DCHS1: variants seen among roughly 807,000 people sequenced by gnomAD.
DCHS1 encodes the protein protocadherin-16.
DCHS1 carries 78 observed loss-of-function variants against 213.9 expected under a neutral mutation model. The observed-to-expected ratio is 0.36, with a 90% CI of 0.30 to 0.44. The LOEUF (loss-of-function observed/expected upper bound fraction) is 0.44. Among genes scored for constraint, DCHS1 ranks in the 20% least tolerant of loss-of-function variants. DCHS1 has a pLI of 1.00. For synonymous variants in DCHS1, 1,828 were observed against 1,873.7 expected (o/e 0.98, Z 0.63); for missense variants, 3,946 against 4,395.9 (o/e 0.90, Z 2.89).
In DCHS1 at chr11:6,640,577, G is replaced by A. The variant is rs1856055212; in HGVS notation, c.1037C>T (p.Ala346Val). Reference protein sequence around the residue: ...DGGAHPELGSAFVTVHVRDAN... With the variant: ...DGGAHPELGSVFVTVHVRDAN... ...ATCTCGCACATGCACAGTCACAAAGGCCGAGCCCAGCTCAGGGTGAGCCCC... is the reference window on the plus strand; with the variant it reads ...ATCTCGCACATGCACAGTCACAAAGACCGAGCCCAGCTCAGGGTGAGCCCC... Residue 346 changes from alanine (A) to valine (V), a missense_variant, in exon 2 of 21, where the codon GCC (alanine) becomes GTC (valine). Physicochemically the swap from Ala to Val is moderately conservative, Grantham distance 64. Coordinates refer to ENST00000299441, the MANE Select transcript of DCHS1 (RefSeq NM_003737.4). The surrounding 1 kb of genome is among the most constrained non-coding windows in gnomAD (Gnocchi z 6.5). 3 of 1,608,432 alleles carry A rather than the reference G, an allele frequency of 1.9e-6. No homozygotes were observed.
chr11:6,631,950 G>A (rs1855914849), intron 6 of DCHS1, 81 bp downstream of exon 6: 26 of 1,461,536 alleles, frequency 1.8e-5, no homozygotes, highest in Non-Finnish European at 2.3e-5. Context: ...GATGGGAGCT[G>A]GGGGTTGGGG....
chr11:6,621,665 TG>T lies in DCHS1; in HGVS notation c.*113del. 1 of 1,234,950 alleles carries T rather than the reference TG, an allele frequency of 8.1e-7. No individual in the cohort carries two copies. The highest frequency in any genetic ancestry group is 1.1e-6 in the Non-Finnish European group (1 of 872,958). The allele number at this position is 1,234,950 out of a possible 1,614,324, so 76.5% of individuals were successfully genotyped here. Reference sequence around the variant, plus strand: ...TTCAGGGTGGAGAGCTGGGGCCTGGTGGTGGCCTCCCCGTAGCCAGTCATAG... The same window carrying T: ...TTCAGGGTGGAGAGCTGGGGCCTGGTGTGGCCTCCCCGTAGCCAGTCATAG... On this transcript the variant is annotated 3_prime_UTR_variant, in exon 21 of 21. Coordinates refer to ENST00000299441, the MANE Select transcript of DCHS1 (RefSeq NM_003737.4).
intron 1 of DCHS1, among the ~76,000 whole-genome samples, chr11:6,655,147 C>T (rs759683074): frequency 1.4e-4 from 22 of 152,120 alleles, no homozygotes; most frequent in Non-Finnish European, 2.8e-4. Context: ...GGCAACACAC[C>T]CTCACAGGGA....
At chr11:6,650,709 GA>G (rs1265298295) in intron 1 of DCHS1, among the ~76,000 whole-genome samples, 1 of 152,188 alleles carries the variant, frequency 6.6e-6, no homozygotes, top group East Asian at 1.9e-4. Context: ...AGAATCTGGT[GA>G]GGCACTGTAA....
At position 6,641,841 on chromosome 11, in the gene DCHS1, C is replaced by G; in HGVS notation, c.-120-108G>C. 1 of 958,184 alleles carries G rather than the reference C, an allele frequency of 1.0e-6. No individual in the cohort carries two copies. The highest frequency in any genetic ancestry group is 1.6e-5 in the African/African-American group (1 of 60,674). 59.4% of individuals were successfully genotyped at this position (958,184 alleles called of 1,614,324 possible). ...CAGATATGCTCAGCCCCCAGCAGGC[C>G]CTTGTGCTGCCTCACACTCATCTTG... is the stretch of plus-strand genomic sequence containing the variant. On this transcript the variant is annotated intron_variant, in intron 1 of 20. Transcript: ENST00000299441. This position sits in a 1 kb window ranked among gnomAD's most constrained non-coding sequence, Gnocchi z 7.1.
Position 6,625,937 on chromosome 11 carries a change from C to T in DCHS1, c.6714G>A (p.Glu2238=), listed in dbSNP as rs1253729646. The T allele has an allele frequency of 5.0e-6, 8 of 1,613,444 alleles. No homozygotes were observed. Among genetic ancestry groups the T allele is most frequent in the Non-Finnish European group, 6.8e-6 (8 of 1,179,730 alleles). The part of the protein sequence containing the change: ...TITTTAILDR[E]IWAETRLVLM... The stretch of plus-strand genomic sequence containing the variant: ...GGCCTCACCGTGTTTCAGCCCAGAT[C>T]TCACGGTCCAGGATGGCTGTGGTAG... The change falls in exon 17 of 21, where the codon GAG becomes GAA. Residue 2238 remains glutamate (E), a synonymous_variant. Coordinates refer to ENST00000299441, the MANE Select transcript of DCHS1 (RefSeq NM_003737.4). The surrounding 1 kb of genome is among the most constrained non-coding windows in gnomAD (Gnocchi z 5.3).
rs1855838121 is a variant in DCHS1 at position 6,627,896 on chromosome 11, T to C, written c.5372-229A>G. On this transcript the variant is annotated intron_variant, in intron 13 of 20. Transcript: ENST00000299441. The surrounding 1 kb of genome is among the most constrained non-coding windows in gnomAD (Gnocchi z 5.4). Reference sequence around the variant, plus strand: ...CCAAGTCCTTTTCATGTGCATAAGATCAAAATTATTTCATAGCACTACTAA... The same window carrying C: ...CCAAGTCCTTTTCATGTGCATAAGACCAAAATTATTTCATAGCACTACTAA... 6.6e-6 allele frequency among the ~76,000 whole-genome samples: 1 copy of C among 152,226 alleles called. No homozygotes were observed. Among genetic ancestry groups the C allele is most frequent in the South Asian group, 2.1e-4 (1 of 4,832 alleles).
chr11:6,634,695 T>C (rs1459973349), intron 2 of DCHS1, among the ~76,000 whole-genome samples: 1 of 152,092 alleles, frequency 6.6e-6, no homozygotes, highest in African/African-American at 2.4e-5. Flanking sequence ...CTTCTTGTAC[T>C]GAGGAACATT....
chr11:6,640,001 T>C lies in DCHS1; in HGVS notation c.1613A>G (p.Tyr538Cys), dbSNP rs747734160. The change falls in exon 2 of 21, where the codon TAT (tyrosine) becomes TGT (cysteine). Residue 538 changes from tyrosine (Y) to cysteine (C), a missense_variant. By Grantham distance (194) the Tyr-to-Cys change is radical (BLOSUM62 -2). Transcript: ENST00000299441. The surrounding 1 kb of genome is among the most constrained non-coding windows in gnomAD (Gnocchi z 6.5). ...CAGCTGTGGCTGAGGTTCCAACTCA[T>C]AGTCCAGTGAGGCAGCCGTAGTGAT... Reference protein sequence around the residue: ...GIITTAASLDYELEPQPQLIV... With the variant: ...GIITTAASLDCELEPQPQLIV... 19 of 1,613,852 alleles carry C rather than the reference T, an allele frequency of 1.2e-5. No individual in the cohort carries two copies. Among genetic ancestry groups the C allele is most frequent in the South Asian group, 6.6e-5 (6 of 91,090 alleles).
chr11:6,647,415 T>C (rs1856178908), intron 1 of DCHS1, among the ~76,000 whole-genome samples: 2 of 152,270 alleles, frequency 1.3e-5, no homozygotes, highest in East Asian at 3.9e-4. Context: ...TGGATATCCC[T>C]GGGACAGCCC....
In DCHS1 at chr11:6,622,673, G is replaced by A. The variant is rs1471768141; in HGVS notation, c.9003C>T (p.His3001=). The change falls in exon 21 of 21, where the codon CAC becomes CAT. Residue 3001 remains histidine, a synonymous_variant. Transcript: ENST00000299441. This position sits in a 1 kb window ranked among gnomAD's most constrained non-coding sequence, Gnocchi z 5.4. ...REPPSPPPSE[H]LYHQTLPSYG... ...AGCTGGGAAGAGTCTGGTGATAGAG[G>A]TGCTCAGAGGGTGGTGGACTAGGTG... The A allele has an allele frequency of 1.3e-6, 2 of 1,594,596 alleles. No individual in the cohort carries two copies. The highest frequency in any genetic ancestry group is 1.7e-6 in the Non-Finnish European group (2 of 1,170,912).
intron 2 of DCHS1, among the ~76,000 whole-genome samples, chr11:6,634,563 A>G (rs1425963033): frequency 6.6e-6 from 1 of 152,222 alleles, no homozygotes; most frequent in African/African-American, 2.4e-5. Flanking sequence ...GTTTAAAGAC[A>G]TCTTATGTTT....
chr11:6,653,225 T>A (rs1265914384), intron 1 of DCHS1, among the ~76,000 whole-genome samples: 2 of 152,194 alleles, frequency 1.3e-5, no homozygotes, highest in Non-Finnish European at 1.5e-5. Flanking sequence ...ACACACACAC[T>A]ATTTTCCTTC....
chr11:6,644,997 G>A (rs188639102), intron 1 of DCHS1, among the ~76,000 whole-genome samples: 135 of 152,352 alleles, frequency 8.9e-4, no homozygotes, highest in African/African-American at 3.2e-3. Context: ...GGGCTTTGGA[G>A]CTTGGACTGG....
In DCHS1 at chr11:6,624,429, A is replaced by C. The variant is rs1014725015; in HGVS notation, c.7286-39T>G. 22 of 1,508,426 alleles carry C rather than the reference A, an allele frequency of 1.5e-5. No homozygotes were observed. The Admixed American group carries it at 4.2e-4, about 29-fold the overall frequency. The allele number at this position is 1,508,426 out of a possible 1,614,324, so 93.4% of individuals were successfully genotyped here. A position where few individuals can be genotyped will look rare whatever the true frequency, so the allele number is the denominator to read the frequency against. ...GGAAGGGAAAGAAATATATTCAGCA[A>C]AGGCTGTGAGTGAACAGAAGAGTGA... On this transcript the variant is annotated intron_variant, in intron 20 of 20. Transcript: ENST00000299441.
In DCHS1 at chr11:6,627,631, G is replaced by A. The variant is rs1307116051; in HGVS notation, c.5408C>T (p.Ala1803Val). Residue 1803 changes from alanine (A) to valine (V), a missense_variant, in exon 14 of 21, where the codon GCT (alanine) becomes GTT (valine). Ala to Val is a moderately conservative substitution (Grantham distance 64). Around this residue, in one of 3 missense-constraint regions of DCHS1, gnomAD observed 3,384 missense variants for 3,780.1 expected, o/e 0.90. Coordinates refer to ENST00000299441, the MANE Select transcript of DCHS1 (RefSeq NM_003737.4). This position sits in a 1 kb window ranked among gnomAD's most constrained non-coding sequence, Gnocchi z 5.4. ...DPSGAFVLDLASGEFGTMRPL... is the reference protein window; with the variant it reads ...DPSGAFVLDLVSGEFGTMRPL... ...CCGCATGGTGCCAAACTCTCCAGAAGCAAGGTCTAGGACAAAGGCTCCTGA... is the reference window on the plus strand; with the variant it reads ...CCGCATGGTGCCAAACTCTCCAGAAACAAGGTCTAGGACAAAGGCTCCTGA... 6.2e-7 allele frequency: 1 copy of A among 1,613,356 alleles called. No individual in the cohort carries two copies. Among genetic ancestry groups the A allele is most frequent in the Non-Finnish European group, 8.5e-7 (1 of 1,179,872 alleles).
At position 6,633,889 on chromosome 11, in the gene DCHS1, C is replaced by G. The variant is rs369087785; in HGVS notation, c.2118G>C (p.Arg706Ser). ...CCTGGTCAGGGTCATGGGCACGCAA[C>G]CTCAGCACAGCTGTGCCTGGTGGAC... ...AQSPPGTAVL[R>S]LRAHDPDQGS... is the part of the protein sequence containing the mutation. Residue 706 changes from arginine (R) to serine (S), a missense_variant, in exon 4 of 21, where the codon AGG becomes AGC. This residue lies in a region of DCHS1 where 3,384 missense variants were observed against 3,780.1 expected (regional missense o/e 0.90). Transcript: ENST00000299441. 11 of 1,613,882 alleles carry G rather than the reference C, an allele frequency of 6.8e-6. No individual in the cohort carries two copies. Among genetic ancestry groups the G allele is most frequent in the African/African-American group, 1.3e-5 (1 of 74,914 alleles).
In DCHS1 at chr11:6,655,797, T is replaced by G. The variant is rs1287423538; in HGVS notation, c.-355A>C. Reference sequence around the variant, plus strand: ...TCCTGCACAGCCGCCCCGCCGAGGATGCGAGCTCCGCTGCCGCGGCCCCGC... The same window carrying G: ...TCCTGCACAGCCGCCCCGCCGAGGAGGCGAGCTCCGCTGCCGCGGCCCCGC... On this transcript the variant is annotated 5_prime_UTR_variant, in exon 1 of 21. Coordinates refer to ENST00000299441, the MANE Select transcript of DCHS1 (RefSeq NM_003737.4). 1.3e-5 allele frequency: 12 copies of G among 941,534 alleles called. No individual in the cohort carries two copies. The African/African-American group carries it at 2.2e-4, about 17-fold the overall frequency. 58.3% of individuals were successfully genotyped at this position (941,534 alleles called of 1,614,324 possible). A position where few individuals can be genotyped will look rare whatever the true frequency, so the allele number is the denominator to read the frequency against.
rs1372660701 is a variant in DCHS1 at position 6,623,450 on chromosome 11, A to T, written c.8226T>A (p.Arg2742=). 4 of 1,581,250 alleles carry T rather than the reference A, an allele frequency of 2.5e-6. No individual in the cohort carries two copies. The highest frequency in any genetic ancestry group is 3.4e-6 in the Non-Finnish European group (4 of 1,163,792). ...CTGGCCCAGCCTCCAACAGGCTGTA[A>T]CGGAGCCTCCCAAAAGCCCCAGCAT... is the stretch of plus-strand genomic sequence containing the variant. ...DGDAGAFGRL[R]YSLLEAGPGP... The change falls in exon 21 of 21, where the codon CGT becomes CGA. Residue 2742 remains arginine (R), a synonymous_variant. Transcript: ENST00000299441.
Sources: allele counts gnomAD v4.1 joint callset (sites outside exome capture counted in the v4.1 genomes callset), GRCh38; gene constraint gnomAD v4.1.1; regional missense constraint gnomAD v4.1.1; non-coding constraint Gnocchi (gnomAD v3.1); transcripts MANE v1.5; gene names NCBI Gene and HGNC (gene_info 2026-07-23, HGNC 2026-07-21).